Variants in H3-3B observed in about 807,000 individuals in gnomAD.
H3-3B encodes the protein histone H3.3.
Under a neutral mutation model 13.1 loss-of-function variants are expected in H3-3B, and 2 were observed. The ratio of observed to expected loss-of-function variants is 0.15; its 90% confidence interval spans 0.06 to 0.48. H3-3B has a LOEUF of 0.48. Among genes scored for constraint, H3-3B ranks in the 20% least tolerant of loss-of-function variants. The pLI is 0.97. For synonymous variants in H3-3B, 133 were observed against 75.8 expected (o/e 1.76, Z -3.92); for missense variants, 39 against 186.0 (o/e 0.21, Z 4.60).
chr17:75,779,214 C>T, intron 1 of H3-3B, 30 bp from the exon 2 acceptor site: 1 of 1,457,996 alleles, frequency 6.9e-7, no homozygotes, highest in Non-Finnish European at 9.0e-7. Context: ...GATAAGGCCG[C>T]CGCGCTCACC....
Position 75,779,209 on chromosome 17 carries a change from G to C in H3-3B, c.-10-25C>G. The C allele has an allele frequency of 2.0e-6, 3 of 1,464,138 alleles. No homozygotes were observed. The South Asian group carries it at 4.3e-5, about 21-fold the overall frequency. The allele number at this position is 1,464,138 out of a possible 1,614,324, so 90.7% of individuals were successfully genotyped here. On this transcript the variant is annotated intron_variant, in intron 1 of 3. Coordinates refer to ENST00000254810, the MANE Select transcript of H3-3B (RefSeq NM_005324.5). The stretch of plus-strand genomic sequence containing the variant: ...CCTAAGAAAGACGCCCCGAAGATAA[G>C]GCCGCCGCGCTCACCCGGGCCGCCC...
At position 75,777,339 on chromosome 17, in the gene H3-3B, G is replaced by A. The variant is rs1265629474; in HGVS notation, c.*1256C>T. The A allele has an allele frequency of 2.0e-5, 3 of 152,390 alleles. No homozygotes were observed. Among genetic ancestry groups the A allele is most frequent in the South Asian group, 2.1e-4 (1 of 4,824 alleles). The allele number at this position is 152,390 out of a possible 1,614,324, so 9.4% of individuals were successfully genotyped here. On this transcript the variant is annotated 3_prime_UTR_variant, in exon 4 of 4. Coordinates refer to ENST00000254810, the MANE Select transcript of H3-3B (RefSeq NM_005324.5). The stretch of plus-strand genomic sequence containing the variant: ...TCTACAGTATCTTTATAAATAAAAG[G>A]TTCCTTTATCCACCAAACAACACCT...
Position 75,778,691 on chromosome 17 carries a change from G to A in H3-3B, c.315C>T (p.Phe105=), listed in dbSNP as rs150846998. Reference sequence around the variant, plus strand: ...GGATGGCACACAGGTTGGTATCTTCGAACAGACCCACCAGGTACGCTTCGC... The same window carrying A: ...GGATGGCACACAGGTTGGTATCTTCAAACAGACCCACCAGGTACGCTTCGC... ...EASEAYLVGL[F]EDTNLCAIHA... Residue 105 remains phenylalanine, a synonymous_variant, in exon 4 of 4, where the codon TTC becomes TTT. Coordinates refer to ENST00000254810, the MANE Select transcript of H3-3B (RefSeq NM_005324.5). 1.3e-5 allele frequency: 21 copies of A among 1,614,014 alleles called. No individual in the cohort carries two copies. Among genetic ancestry groups the A allele is most frequent in the South Asian group, 1.1e-4 (10 of 91,076 alleles).
chr17:75,778,302 C>T lies in H3-3B; in HGVS notation c.*293G>A, dbSNP rs1198065717. ...AGGACCCTGTACACATTTATCAACT[C>T]TAGTACCTTAATAGCTACCCAACAA... is the stretch of plus-strand genomic sequence containing the variant. On this transcript the variant is annotated 3_prime_UTR_variant, in exon 4 of 4. Transcript: ENST00000254810. 2.6e-6 allele frequency: 1 copy of T among 388,160 alleles called. No individual in the cohort carries two copies. The highest frequency in any genetic ancestry group is 4.7e-6 in the Non-Finnish European group (1 of 211,344). 24.0% of individuals were successfully genotyped at this position (388,160 alleles called of 1,614,324 possible). A position where few individuals can be genotyped will look rare whatever the true frequency, so the allele number is the denominator to read the frequency against.
rs751657487 is a variant in H3-3B at position 75,778,378 on chromosome 17, T to C, written c.*217A>G. 8.7e-5 allele frequency: 51 copies of C among 588,950 alleles called. No homozygotes were observed. Among genetic ancestry groups the C allele is most frequent in the Non-Finnish European group, 1.4e-4 (48 of 339,840 alleles). The allele number at this position is 588,950 out of a possible 1,614,324, so 36.5% of individuals were successfully genotyped here. On this transcript the variant is annotated 3_prime_UTR_variant, in exon 4 of 4. Coordinates refer to ENST00000254810, the MANE Select transcript of H3-3B (RefSeq NM_005324.5). ...CATGAGAAGCAAGAAGTATCACCCA[T>C]CCCTTCTGCATATTAGCAACTTGTC...
At position 75,778,382 on chromosome 17, in the gene H3-3B, T is replaced by G. The variant is rs1242470253; in HGVS notation, c.*213A>C. On this transcript the variant is annotated 3_prime_UTR_variant, in exon 4 of 4. Transcript: ENST00000254810. ...AGAAGCAAGAAGTATCACCCATCCC[T>G]TCTGCATATTAGCAACTTGTCACTC... The G allele has an allele frequency of 1.6e-6, 1 of 609,538 alleles. No homozygotes were observed. Among genetic ancestry groups the G allele is most frequent in the Non-Finnish European group, 2.8e-6 (1 of 354,174 alleles). The allele number at this position is 609,538 out of a possible 1,614,324, so 37.8% of individuals were successfully genotyped here.
chr17:75,779,401 G>C (rs1018870824), intron 1 of H3-3B: 5 of 400,474 alleles, frequency 1.2e-5, no homozygotes, highest in African/African-American at 8.3e-5. Flanking sequence ...GGGGAGCGCG[G>C]GGAGGAGTCA....
At position 75,778,642 on chromosome 17, in the gene H3-3B, G is replaced by A; in HGVS notation, c.364C>T (p.Pro122Ser). 6.2e-7 allele frequency: 1 copy of A among 1,614,154 alleles called. No individual in the cohort carries two copies. Among genetic ancestry groups the A allele is most frequent in the Non-Finnish European group, 8.5e-7 (1 of 1,180,016 alleles). The change falls in exon 4 of 4, where the codon CCC becomes TCC. Residue 122 changes from proline (P) to serine (S), a missense_variant. By Grantham distance (74) the Pro-to-Ser change is moderately conservative. Coordinates refer to ENST00000254810, the MANE Select transcript of H3-3B (RefSeq NM_005324.5). Reference protein sequence around the residue: ...AIHAKRVTIMPKDIQLARRIR... With the variant: ...AIHAKRVTIMSKDIQLARRIR... Reference sequence around the variant, plus strand: ...CGGCGAGCCAACTGGATGTCTTTGGGCATGATGGTGACTCTCTTAGCGTGG... The same window carrying A: ...CGGCGAGCCAACTGGATGTCTTTGGACATGATGGTGACTCTCTTAGCGTGG...
rs1326363794 is a variant in H3-3B, at chr17:75,778,867, G to A, written c.225C>T (p.Ile75=). 2 of 1,614,144 alleles carry A rather than the reference G, an allele frequency of 1.2e-6. No homozygotes were observed. The highest frequency in any genetic ancestry group is 1.3e-5 in the African/African-American group (1 of 75,046). Residue 75 remains isoleucine, a synonymous_variant, in exon 3 of 4, where the codon ATC becomes ATT. Transcript: ENST00000254810. ...TCAGGTCGGTTTTGAAATCCTGCGC[G>A]ATCTCCCTCACCAACCTCTGGAAGG... ...KLPFQRLVRE[I]AQDFKTDLRF...
intron 2 of H3-3B, 25 bp from the exon 3 acceptor site, chr17:75,778,988 G>A (rs778883358): frequency 1.9e-6 from 3 of 1,613,692 alleles, no homozygotes; most frequent in Non-Finnish European, 1.7e-6. Context: ...GGAGGAGTGA[G>A]CGGACGCTGC....
chr17:75,777,882 G>T lies in H3-3B; in HGVS notation c.*713C>A, dbSNP rs551679545. 1.3e-5 allele frequency: 2 copies of T among 152,554 alleles called. No individual in the cohort carries two copies. Among genetic ancestry groups the T allele is most frequent in the South Asian group, 4.1e-4 (2 of 4,830 alleles). The allele number at this position is 152,554 out of a possible 1,614,324, so 9.5% of individuals were successfully genotyped here. The stretch of plus-strand genomic sequence containing the variant: ...TAGTGTTTGCATTATCAGCTAGAGG[G>T]TTAACATGTGGTAGAATGAGGACTT... On this transcript the variant is annotated 3_prime_UTR_variant, in exon 4 of 4. Transcript: ENST00000254810.
chr17:75,778,179 T>C lies in H3-3B; in HGVS notation c.*416A>G, dbSNP rs1354178355. On this transcript the variant is annotated 3_prime_UTR_variant, in exon 4 of 4. Coordinates refer to ENST00000254810, the MANE Select transcript of H3-3B (RefSeq NM_005324.5). ...GTGGTTAAGACTTGTATCTTCACCC[T>C]TGAAAAAGCCCACATTCTATCACAG... 2 of 158,980 alleles carry C rather than the reference T, an allele frequency of 1.3e-5. No individual in the cohort carries two copies. The highest frequency in any genetic ancestry group is 4.8e-5 in the African/African-American group (2 of 41,558). The allele number at this position is 158,980 out of a possible 1,614,324, so 9.8% of individuals were successfully genotyped here.
chr17:75,779,266 G>C, intron 1 of H3-3B, 82 bp from the exon 2 acceptor site: 1 of 1,284,234 alleles, frequency 7.8e-7, no homozygotes, highest in Non-Finnish European at 1.0e-6. Flanking sequence ...ACAGATCCTG[G>C]CCCCACCGCC....
Position 75,777,997 on chromosome 17 carries a change from T to A in H3-3B, c.*598A>T, listed in dbSNP as rs1224808748. Reference sequence around the variant, plus strand: ...AACTGGACTCTAAATTACACACACCTTAATGACAAGACTCCCCACCACTTG... The same window carrying A: ...AACTGGACTCTAAATTACACACACCATAATGACAAGACTCCCCACCACTTG... On this transcript the variant is annotated 3_prime_UTR_variant, in exon 4 of 4. Transcript: ENST00000254810. The A allele has an allele frequency of 2.6e-5, 4 of 152,702 alleles. No individual in the cohort carries two copies. The highest frequency in any genetic ancestry group is 4.4e-5 in the Non-Finnish European group (3 of 68,076). The allele number at this position is 152,702 out of a possible 1,614,324, so 9.5% of individuals were successfully genotyped here.
In H3-3B at chr17:75,778,159, TAA is replaced by T. The variant is rs1479930676; in HGVS notation, c.*434_*435del. 6.4e-6 allele frequency: 1 copy of T among 156,290 alleles called. No individual in the cohort carries two copies. 9.7% of individuals were successfully genotyped at this position (156,290 alleles called of 1,614,324 possible). ...AGGAAACTGTAAGTTACACTGTGGT[TAA>T]GACTTGTATCTTCACCCTTGAAAAA... On this transcript the variant is annotated 3_prime_UTR_variant, in exon 4 of 4. Transcript: ENST00000254810.
rs748072205 is a variant in H3-3B, at chr17:75,777,727, C to T, written c.*868G>A. 6.6e-6 allele frequency: 1 copy of T among 152,440 alleles called. No individual in the cohort carries two copies. The highest frequency in any genetic ancestry group is 1.5e-5 in the Non-Finnish European group (1 of 68,038). The allele number at this position is 152,440 out of a possible 1,614,324, so 9.4% of individuals were successfully genotyped here. On this transcript the variant is annotated 3_prime_UTR_variant, in exon 4 of 4. Coordinates refer to ENST00000254810, the MANE Select transcript of H3-3B (RefSeq NM_005324.5). The stretch of plus-strand genomic sequence containing the variant: ...GTTTCCTCAGCAGAGGAGAAAAACT[C>T]AACCTAGTTATGAGACCAACCACAC...
At position 75,778,623 on chromosome 17, in the gene H3-3B, G is replaced by A. The variant is rs866529452; in HGVS notation, c.383C>T (p.Ala128Val). The A allele has an allele frequency of 6.2e-7, 1 of 1,614,116 alleles. No individual in the cohort carries two copies. Among genetic ancestry groups the A allele is most frequent in the Admixed American group, 1.7e-5 (1 of 60,010 alleles). The change falls in exon 4 of 4, where the codon GCT becomes GTT. Residue 128 changes from alanine (A) to valine (V), a missense_variant. Physicochemically the swap from Ala to Val is moderately conservative, Grantham distance 64. Coordinates refer to ENST00000254810, the MANE Select transcript of H3-3B (RefSeq NM_005324.5). Reference protein sequence around the residue: ...VTIMPKDIQLARRIRGERA With the variant: ...VTIMPKDIQLVRRIRGERA Reference sequence around the variant, plus strand: ...AGCTCTCTCTCCCCGTATCCGGCGAGCCAACTGGATGTCTTTGGGCATGAT... The same window carrying A: ...AGCTCTCTCTCCCCGTATCCGGCGAACCAACTGGATGTCTTTGGGCATGAT...
In H3-3B at chr17:75,778,394, G is replaced by T; in HGVS notation, c.*201C>A. On this transcript the variant is annotated 3_prime_UTR_variant, in exon 4 of 4. Coordinates refer to ENST00000254810, the MANE Select transcript of H3-3B (RefSeq NM_005324.5). ...TATCACCCATCCCTTCTGCATATTA[G>T]CAACTTGTCACTCCTGAGCAACAGT... 1.5e-6 allele frequency: 1 copy of T among 652,186 alleles called. No homozygotes were observed. The allele number at this position is 652,186 out of a possible 1,614,324, so 40.4% of individuals were successfully genotyped here.
Position 75,778,617 on chromosome 17 carries a change from C to T in H3-3B, c.389G>A (p.Arg130Gln). The change falls in exon 4 of 4, where the codon CGG (arginine) becomes CAG (glutamine). Residue 130 changes from arginine (R) to glutamine (Q), a missense_variant. Coordinates refer to ENST00000254810, the MANE Select transcript of H3-3B (RefSeq NM_005324.5). ...IMPKDIQLAR[R>Q]IRGERA is the part of the protein sequence containing the mutation. ...CACTTAAGCTCTCTCTCCCCGTATC[C>T]GGCGAGCCAACTGGATGTCTTTGGG... 1 of 1,614,080 alleles carries T rather than the reference C, an allele frequency of 6.2e-7. No homozygotes were observed. The highest frequency in any genetic ancestry group is 8.5e-7 in the Non-Finnish European group (1 of 1,179,968).
Sources: gnomAD v4.1 joint callset for allele counts on GRCh38, gnomAD v4.1.1 for gene constraint, MANE v1.5 for transcripts, NCBI Gene and HGNC (gene_info 2026-07-23, HGNC 2026-07-21) for gene names.